RNF180: variants seen among roughly 807,000 people sequenced by gnomAD.
The protein encoded by RNF180 is E3 ubiquitin-protein ligase RNF180.
A neutral mutation model predicts 59.2 loss-of-function variants in RNF180; 38 were observed. The observed-to-expected ratio is 0.64, with a 90% CI of 0.50 to 0.84. RNF180 has a LOEUF of 0.84. Among genes scored for constraint, RNF180 ranks in the 40% least tolerant of loss-of-function variants. RNF180 has a pLI of 0.00. For missense variants in RNF180, 705 were observed against 700.9 expected (o/e 1.01, Z -0.07); for synonymous variants, 262 against 240.3 (o/e 1.09, Z -0.84).
chr5:64,250,697 G>A (rs185414959), intron 5 of RNF180, among the ~76,000 whole-genome samples: 1 of 152,156 alleles, frequency 6.6e-6, no homozygotes, highest in East Asian at 1.9e-4. Flanking sequence ...AACCTACCAA[G>A]CCTAAATCAG....
chr5:64,205,998 C>T (rs574688877), intron 2 of RNF180, among the ~76,000 whole-genome samples: 4 of 152,172 alleles, frequency 2.6e-5, no homozygotes, highest in Admixed American at 2.0e-4. Context: ...GTTGATGATT[C>T]GTGTTAAATG....
chr5:64,171,053 A>G (rs1423920837), intron 1 of RNF180, among the ~76,000 whole-genome samples: 1 of 152,222 alleles, frequency 6.6e-6, no homozygotes, highest in Admixed American at 6.5e-5. Flanking sequence ...AGTCAACGAT[A>G]TAGAGTAACA....
chr5:64,255,501 C>G (rs1359061204), intron 5 of RNF180, among the ~76,000 whole-genome samples: 1 of 152,174 alleles, frequency 6.6e-6, no homozygotes, highest in Non-Finnish European at 1.5e-5. Flanking sequence ...TTTCCAGCTT[C>G]ATCCATGTCC....
intron 5 of RNF180, among the ~76,000 whole-genome samples, chr5:64,276,424 GA>G (rs1418913051): frequency 1.3e-5 from 2 of 150,986 alleles, no homozygotes; most frequent in African/African-American, 4.9e-5. Flanking sequence ...AAACAAAGGA[GA>G]AAGGAATAAA....
At chr5:64,203,862 A>G (rs1751875011) in intron 2 of RNF180, among the ~76,000 whole-genome samples, 2 of 152,032 alleles carry the variant, frequency 1.3e-5, no homozygotes, top group Admixed American at 6.6e-5. Context: ...TTTATATTTT[A>G]TAAATCTGTA....
chr5:64,284,679 G>C (rs1374030240), intron 5 of RNF180, among the ~76,000 whole-genome samples: 1 of 152,132 alleles, frequency 6.6e-6, no homozygotes, highest in East Asian at 1.9e-4. Context: ...ATCCCTATCA[G>C]ATCAGTTTGG....
intron 5 of RNF180, among the ~76,000 whole-genome samples, chr5:64,277,499 C>A (rs538025389): frequency 6.6e-6 from 1 of 152,066 alleles, no homozygotes; most frequent in South Asian, 2.1e-4. Context: ...ACCAATGTTG[C>A]CTCAAGGATG....
intron 5 of RNF180, among the ~76,000 whole-genome samples, chr5:64,244,243 T>G (rs1743007796): frequency 6.6e-6 from 1 of 152,108 alleles, no homozygotes; most frequent in South Asian, 2.1e-4. Flanking sequence ...AGAATGAGTT[T>G]GATGAATTGA....
intron 7 of RNF180, among the ~76,000 whole-genome samples, chr5:64,338,922 G>A (rs1211185228): frequency 6.6e-6 from 1 of 151,712 alleles, no homozygotes; most frequent in Non-Finnish European, 1.5e-5. Context: ...TGCTAGATTT[G>A]GTTTGCTAAT....
rs567285538 is a variant in RNF180 at position 64,175,023 on chromosome 5, A to G, written c.-1+9070A>G. Among the ~76,000 whole-genome samples the G allele has an allele frequency of 7.7e-5, 10 of 130,716 alleles. No individual in the cohort carries two copies. The South Asian group carries it at 1.9e-3, about 24-fold the overall frequency. 85.8% of individuals were successfully genotyped at this position (130,716 alleles called of 152,430 possible). A position where few individuals can be genotyped will look rare whatever the true frequency, so the allele number is the denominator to read the frequency against. ...CGCTCTGTCCCCCAGGCTGGAGTGC[A>G]GTGGTGCAATCTCGGCTCACTGCAA... On this transcript the variant is annotated intron_variant, in intron 1 of 7. Coordinates refer to ENST00000389100, the MANE Select transcript of RNF180 (RefSeq NM_001113561.2).
At chr5:64,217,571 A>G (rs1580030570) in intron 5 of RNF180, 175 bp downstream of exon 5, 1 of 1,037,748 alleles carries the variant, frequency 9.6e-7, no homozygotes, top group Non-Finnish European at 1.2e-6. Context: ...GTTGTATCAC[A>G]TCATGACTTT....
intron 1 of RNF180, among the ~76,000 whole-genome samples, chr5:64,170,083 A>C (rs1749858952): frequency 6.6e-6 from 1 of 152,218 alleles, no homozygotes; most frequent in South Asian, 2.1e-4. Flanking sequence ...TCAAGGCATG[A>C]GGTTGCCTGT....
intron 5 of RNF180, among the ~76,000 whole-genome samples, chr5:64,272,896 G>A (rs960901153): frequency 6.6e-6 from 1 of 151,882 alleles, no homozygotes; most frequent in East Asian, 1.9e-4. Flanking sequence ...GAATTGAGGT[G>A]CCTTTAAGAC....
At chr5:64,259,663 C>T (rs1010610820) in intron 5 of RNF180, among the ~76,000 whole-genome samples, 5 of 152,134 alleles carry the variant, frequency 3.3e-5, no homozygotes, top group African/African-American at 1.2e-4. Flanking sequence ...TGGCTCACAC[C>T]TGTAATCCCA....
chr5:64,192,939 A>ATATATATATATATATATATATATATATAT (rs1554028955), intron 1 of RNF180, among the ~76,000 whole-genome samples: 6 of 135,462 alleles, frequency 4.4e-5, no homozygotes, highest in Non-Finnish European at 6.2e-5. Context: ...ATATATATAT[A>ATATATATATATATATATATATATATATAT]AAATGAAACA....
intron 5 of RNF180, among the ~76,000 whole-genome samples, chr5:64,319,482 G>A (rs115442768): frequency 0.019 from 2,829 of 152,284 alleles, 44 homozygotes; most frequent in Non-Finnish European, 0.03. Flanking sequence ...AAAGGCAAAT[G>A]TTAACAATTG....
At chr5:64,228,853 T>G (rs1239414822) in intron 5 of RNF180, among the ~76,000 whole-genome samples, 2 of 151,910 alleles carry the variant, frequency 1.3e-5, no homozygotes, top group Non-Finnish European at 2.9e-5. Flanking sequence ...AATAATGCTT[T>G]TAAGATAATC....
chr5:64,244,755 C>T (rs1743048146), intron 5 of RNF180, among the ~76,000 whole-genome samples: 1 of 152,126 alleles, frequency 6.6e-6, no homozygotes, highest in Non-Finnish European at 1.5e-5. Context: ...AAAGATATTC[C>T]TCAAGAAGAG....
chr5:64,314,098 G>C (rs915749588), intron 5 of RNF180, among the ~76,000 whole-genome samples: 1 of 152,084 alleles, frequency 6.6e-6, no homozygotes, highest in African/African-American at 2.4e-5. Flanking sequence ...TCTATAGGTT[G>C]TCTGTTTACT....
Sources: gnomAD v4.1 joint callset for allele counts (sites outside exome capture counted in the v4.1 genomes callset) on GRCh38, gnomAD v4.1.1 for gene constraint, MANE v1.5 for transcripts, NCBI Gene and HGNC (gene_info 2026-07-23, HGNC 2026-07-21) for gene names.